The following PDP2 variants were observed in gnomAD, a reference collection of about 807,000 sequenced individuals.
The protein encoded by PDP2 is [Pyruvate dehydrogenase [acetyl-transferring]]-phosphatase 2, mitochondrial.
A neutral mutation model predicts 34.2 loss-of-function variants in PDP2; 23 were observed. The ratio of observed to expected loss-of-function variants is 0.67; its 90% CI spans 0.48 to 0.95. The LOEUF is 0.95. PDP2 is among the 40% of genes least tolerant of loss of function. PDP2 has a pLI of 0.00. For synonymous variants in PDP2, 275 were observed against 269.2 expected, an observed-to-expected ratio of 1.02 and a Z score of -0.21; for missense variants, 571 against 659.6, an observed-to-expected ratio of 0.87 and a Z score of 1.47.
Position 66,884,610 on chromosome 16 carries a change from T to G in PDP2, c.326T>G (p.Phe109Cys). The change falls in exon 2 of 2, where the codon TTT becomes TGT. Residue 109 changes from phenylalanine (F) to cysteine (C), a missense_variant. By Grantham distance (205) the Phe-to-Cys change is radical (BLOSUM62 -2). This residue lies in a region of PDP2 where 290 missense variants were observed against 283.8 expected (regional missense o/e 1.02). Coordinates refer to ENST00000311765, the MANE Select transcript of PDP2 (RefSeq NM_020786.4). ...AGAGTCCCAAATTCAGTGTTGCGGT[T>G]TGAGAGCAACCAGCTGGCTGCCAAT... Reference protein sequence around the residue: ...ESRVPNSVLRFESNQLAANSP... With the variant: ...ESRVPNSVLRCESNQLAANSP... 6.2e-7 allele frequency: 1 copy of G among 1,614,216 alleles called. No homozygotes were observed. The highest frequency in any genetic ancestry group is 1.1e-5 in the South Asian group (1 of 91,092).
At position 66,884,924 on chromosome 16, in the gene PDP2, C is replaced by T. The variant is rs774135003; in HGVS notation, c.640C>T (p.Gln214Ter). The change falls in exon 2 of 2, where the codon CAG (glutamine) becomes TAG (stop). Residue 214 changes from glutamine to a stop codon, truncating the protein, a stop_gained. Coordinates refer to ENST00000311765, the MANE Select transcript of PDP2 (RefSeq NM_020786.4). LOFTEE classifies it high-confidence loss of function. The stretch of plus-strand genomic sequence containing the variant: ...TCTTGACCACCTCCGTGTCTATTGG[C>T]AGGAACTGCTTGATTTGCACATGGA... ...VHLDHLRVYW[Q>*]ELLDLHMEMG... 1.2e-6 allele frequency: 2 copies of T among 1,613,948 alleles called. No individual in the cohort carries two copies. The highest frequency in any genetic ancestry group is 1.7e-6 in the Non-Finnish European group (2 of 1,180,014).
rs1961794001 is a variant in PDP2 at position 66,887,034 on chromosome 16, C to T, written c.*1160C>T. The stretch of plus-strand genomic sequence containing the variant: ...AAGGCTTAAGGACAACAGTTTCTAA[C>T]CAAGTTTCTCTGAATCCTTTCCTGA... On this transcript the variant is annotated 3_prime_UTR_variant, in exon 2 of 2. Coordinates refer to ENST00000311765, the MANE Select transcript of PDP2 (RefSeq NM_020786.4). The T allele has an allele frequency of 6.0e-6, 1 of 167,760 alleles. No homozygotes were observed. The highest frequency in any genetic ancestry group is 2.0e-4 in the South Asian group (1 of 4,902). The allele number at this position is 167,760 out of a possible 1,614,324, so 10.4% of individuals were successfully genotyped here.
At chr16:66,881,221 C>T (rs565190440) in intron 1 of PDP2, among the ~76,000 whole-genome samples, 1 of 152,084 alleles carries the variant, frequency 6.6e-6, no homozygotes, top group African/African-American at 2.4e-5. Flanking sequence ...ACTGCAGGGC[C>T]GGAGCGTCAG....
chr16:66,883,751 G>A (rs917678539), intron 1 of PDP2, among the ~76,000 whole-genome samples: 3 of 150,916 alleles, frequency 2.0e-5, no homozygotes, highest in South Asian at 2.2e-4. Flanking sequence ...CCTGGCCCCC[G>A]AAGCAGATAT....
At position 66,885,910 on chromosome 16, in the gene PDP2, G is replaced by A. The variant is rs201365694; in HGVS notation, c.*36G>A. 2 of 1,553,298 alleles carry A rather than the reference G, an allele frequency of 1.3e-6. No individual in the cohort carries two copies. The highest frequency in any genetic ancestry group is 1.2e-5 in the South Asian group (1 of 82,698). On this transcript the variant is annotated 3_prime_UTR_variant, in exon 2 of 2. Coordinates refer to ENST00000311765, the MANE Select transcript of PDP2 (RefSeq NM_020786.4). The surrounding 1 kb of genome is among the most constrained non-coding windows in gnomAD (Gnocchi z 4.6). ...TCCTATTGTCAAGGTTAACATAAAT[G>A]CTCTTCTAAAATGTTTCACTTACTC... is the stretch of plus-strand genomic sequence containing the variant.
chr16:66,883,638 G>A (rs1261547940), intron 1 of PDP2, among the ~76,000 whole-genome samples: 4 of 150,516 alleles, frequency 2.7e-5, no homozygotes. Context: ...TGGAGAGACA[G>A]GGTTTCACCA....
Position 66,886,716 on chromosome 16 carries a change from G to C in PDP2, c.*842G>C. ...AATTTCCTCCTGGGCTGAGCCTTTG[G>C]GGGTTGATTCACAGCATTTAAGCTT... On this transcript the variant is annotated 3_prime_UTR_variant, in exon 2 of 2. Coordinates refer to ENST00000311765, the MANE Select transcript of PDP2 (RefSeq NM_020786.4). 1 of 268,502 alleles carries C rather than the reference G, an allele frequency of 3.7e-6. No homozygotes were observed. 16.6% of individuals were successfully genotyped at this position (268,502 alleles called of 1,614,324 possible). A position where few individuals can be genotyped will look rare whatever the true frequency, so the allele number is the denominator to read the frequency against.
Position 66,884,550 on chromosome 16 carries a change from G to C in PDP2, c.266G>C (p.Gly89Ala). Reference sequence around the variant, plus strand: ...CAGATAAATGAAGTGCTTCGAGCTGGCGAGACAACCCACAAGATTCTTGAC... The same window carrying C: ...CAGATAAATGAAGTGCTTCGAGCTGCCGAGACAACCCACAAGATTCTTGAC... ...PEQINEVLRAGETTHKILDLE... is the reference protein window; with the variant it reads ...PEQINEVLRAAETTHKILDLE... The change falls in exon 2 of 2, where the codon GGC (glycine) becomes GCC (alanine). Residue 89 changes from glycine (G) to alanine (A), a missense_variant. By Grantham distance (60) the Gly-to-Ala change is moderately conservative. This residue lies in a region of PDP2 where 290 missense variants were observed against 283.8 expected (regional missense o/e 1.02). Transcript: ENST00000311765. The C allele has an allele frequency of 6.2e-7, 1 of 1,614,216 alleles. No individual in the cohort carries two copies.
chr16:66,883,823 C>G (rs1261618475), intron 1 of PDP2, among the ~76,000 whole-genome samples: 1 of 152,018 alleles, frequency 6.6e-6, no homozygotes, highest in Non-Finnish European at 1.5e-5. Flanking sequence ...ATAGTTTATT[C>G]TAAGTCATTT....
rs550632339 is a variant in PDP2 at position 66,883,693 on chromosome 16, C to T, written c.-54-538C>T. ...GAACTCCTGGGCTCAAGCTATCCAC[C>T]CACCTTGGCCTCCCAAAGTGCTAGG... On this transcript the variant is annotated intron_variant, in intron 1 of 1. Coordinates refer to ENST00000311765, the MANE Select transcript of PDP2 (RefSeq NM_020786.4). Among the ~76,000 whole-genome samples, 3 of 152,040 alleles carry T rather than the reference C, an allele frequency of 2.0e-5. No individual in the cohort carries two copies. The East Asian group carries it at 5.8e-4, about 29-fold the overall frequency.
intron 1 of PDP2, among the ~76,000 whole-genome samples, chr16:66,883,613 TTTTTTTTA>T (rs995183325): frequency 2.6e-5 from 4 of 151,496 alleles, no homozygotes; most frequent in African/African-American, 9.7e-5. Context: ...AATTTTTTTA[TTTTTTTTA>T]TTTTTTTGGA....
rs150645928 is a variant in PDP2, at chr16:66,885,619, C to G, written c.1335C>G (p.Pro445=). 12 of 1,614,054 alleles carry G rather than the reference C, an allele frequency of 7.4e-6. No homozygotes were observed. The highest frequency in any genetic ancestry group is 1.0e-5 in the Non-Finnish European group (12 of 1,180,030). Residue 445 remains proline, a synonymous_variant, in exon 2 of 2, where the codon CCC becomes CCG. Coordinates refer to ENST00000311765, the MANE Select transcript of PDP2 (RefSeq NM_020786.4). The surrounding 1 kb of genome is among the most constrained non-coding windows in gnomAD (Gnocchi z 4.6). ...DWHKTDLAQR[P]ANLGLMQSLL... is the part of the protein sequence containing the mutation. ...ACAAGACAGACCTGGCCCAGAGACC[C>G]GCCAACTTGGGGCTCATGCAGAGCC...
rs1961967374 is a variant in PDP2 at position 66,890,741 on chromosome 16, T to C, written c.*4867T>C. 1 of 152,220 alleles carries C rather than the reference T, an allele frequency of 6.6e-6. No individual in the cohort carries two copies. The highest frequency in any genetic ancestry group is 1.5e-5 in the Non-Finnish European group (1 of 68,044). 9.4% of individuals were successfully genotyped at this position (152,220 alleles called of 1,614,324 possible). ...TTCATCTTAAAGTGGATCATTTGAC[T>C]CTGAAACACGATTCTCATGGCAGAA... is the stretch of plus-strand genomic sequence containing the variant. On this transcript the variant is annotated 3_prime_UTR_variant, in exon 2 of 2. Transcript: ENST00000311765.
intron 1 of PDP2, 36 bp from the exon 2 acceptor site, chr16:66,884,195 A>T: frequency 1.1e-5 from 13 of 1,150,592 alleles, no homozygotes; most frequent in Non-Finnish European, 1.5e-5. Context: ...AAAAAAAAAG[A>T]AATTAAATTT....
Position 66,889,463 on chromosome 16 carries a change from C to T in PDP2, c.*3589C>T, listed in dbSNP as rs1254859307. On this transcript the variant is annotated 3_prime_UTR_variant, in exon 2 of 2. Coordinates refer to ENST00000311765, the MANE Select transcript of PDP2 (RefSeq NM_020786.4). ...TACAGGCATGCACCACCACACACCG[C>T]TAATTTTTTGTATTTTTAGTAGAGA... The T allele has an allele frequency of 6.6e-6, 1 of 152,020 alleles. No homozygotes were observed. 9.4% of individuals were successfully genotyped at this position (152,020 alleles called of 1,614,324 possible).
At position 66,886,440 on chromosome 16, in the gene PDP2, G is replaced by A. The variant is rs1249496918; in HGVS notation, c.*566G>A. The A allele has an allele frequency of 7.7e-6, 3 of 387,120 alleles. No individual in the cohort carries two copies. Among genetic ancestry groups the A allele is most frequent in the African/African-American group, 6.4e-5 (3 of 46,866 alleles). 24.0% of individuals were successfully genotyped at this position (387,120 alleles called of 1,614,324 possible). Reference sequence around the variant, plus strand: ...TGTGATTATGCTTGTGAGAAATTTTGTAATACTACATTCTAGTTCTGTTTT... The same window carrying A: ...TGTGATTATGCTTGTGAGAAATTTTATAATACTACATTCTAGTTCTGTTTT... On this transcript the variant is annotated 3_prime_UTR_variant, in exon 2 of 2. Coordinates refer to ENST00000311765, the MANE Select transcript of PDP2 (RefSeq NM_020786.4).
In PDP2 at chr16:66,886,534, T is replaced by G. The variant is rs1961772404; in HGVS notation, c.*660T>G. ...CTGTAAGCATGCTTGGAATGACTTG[T>G]TTTGGTTTTCAGCTGATAGGATCTA... On this transcript the variant is annotated 3_prime_UTR_variant, in exon 2 of 2. Transcript: ENST00000311765. 4.3e-6 allele frequency: 2 copies of G among 469,134 alleles called. No individual in the cohort carries two copies. The highest frequency in any genetic ancestry group is 4.0e-5 in the African/African-American group (2 of 50,042). 29.1% of individuals were successfully genotyped at this position (469,134 alleles called of 1,614,324 possible). A position where few individuals can be genotyped will look rare whatever the true frequency, so the allele number is the denominator to read the frequency against.
At position 66,885,717 on chromosome 16, in the gene PDP2, C is replaced by T; in HGVS notation, c.1433C>T (p.Ala478Val). The T allele has an allele frequency of 2.5e-6, 4 of 1,613,990 alleles. No individual in the cohort carries two copies. The South Asian group carries it at 4.4e-5, about 18-fold the overall frequency. ...GCAGCCACGCGGCTGATCAGACATG[C>T]CATCGGGAACAATGAGTATGGGGAG... ...QNAATRLIRH[A>V]IGNNEYGEME... Residue 478 changes from alanine (A) to valine (V), a missense_variant, in exon 2 of 2, where the codon GCC becomes GTC. Physicochemically the swap from Ala to Val is moderately conservative, Grantham distance 64. Around this residue, in one of 2 missense-constraint regions of PDP2, gnomAD observed 281 missense variants for 375.8 expected, o/e 0.75. Transcript: ENST00000311765. The surrounding 1 kb of genome is among the most constrained non-coding windows in gnomAD (Gnocchi z 4.6).
chr16:66,883,309 T>C (rs1277397191), intron 1 of PDP2, among the ~76,000 whole-genome samples: 1 of 152,134 alleles, frequency 6.6e-6, no homozygotes, highest in Non-Finnish European at 1.5e-5. Flanking sequence ...AATTTTTGTA[T>C]TTTTAGTAGA....
Sources: allele counts gnomAD v4.1 joint callset (sites outside exome capture counted in the v4.1 genomes callset), GRCh38; gene constraint gnomAD v4.1.1; regional missense constraint gnomAD v4.1.1; non-coding constraint Gnocchi (gnomAD v3.1); transcripts MANE v1.5; gene names NCBI Gene and HGNC (gene_info 2026-07-23, HGNC 2026-07-21).